Variants in ENPP6 observed in about 807,000 individuals in gnomAD.
The protein encoded by ENPP6 is ectonucleotide pyrophosphatase/phosphodiesterase 6, also known as glycerophosphocholine cholinephosphodiesterase ENPP6.
In ENPP6, 32 loss-of-function variants were observed where a neutral mutation model predicts 42.0. The ratio of observed to expected loss-of-function variants is 0.76; its 90% CI spans 0.58 to 1.02. ENPP6 has a LOEUF of 1.02. Ranked by LOEUF, ENPP6 falls within the 50% of genes least tolerant of loss-of-function variation. The probability of loss-of-function intolerance (pLI) is 0.00; values close to 1 mark genes in which losing one functional copy is unlikely to be tolerated. For missense variants in ENPP6, 552 were observed against 566.8 expected (o/e 0.97, Z 0.27); for synonymous variants, 213 against 216.0 (o/e 0.99, Z 0.12).
chr4:184,106,818 A>G (rs1054508199), intron 6 of ENPP6, among the ~76,000 whole-genome samples: 2 of 152,136 alleles, frequency 1.3e-5, no homozygotes, highest in Non-Finnish European at 2.9e-5. Context: ...GTGGAATTAG[A>G]ACTTCTCGTT....
Position 184,117,012 on chromosome 4 carries a change from C to A in ENPP6, c.699G>T (p.Leu233=). The part of the protein sequence containing the change: ...WIQERGLQDR[L]NVIIFSDHGM... ...CGTGATCCGAGAAAATAATGACGTTCAGGCGGTCCTGCAGGCCCCGCTCCT... is the reference window on the plus strand; with the variant it reads ...CGTGATCCGAGAAAATAATGACGTTAAGGCGGTCCTGCAGGCCCCGCTCCT... The change falls in exon 5 of 8, where the codon CTG becomes CTT. Residue 233 remains leucine, a synonymous_variant. Transcript: ENST00000296741. 6.2e-7 allele frequency: 1 copy of A among 1,614,218 alleles called. No individual in the cohort carries two copies. The highest frequency in any genetic ancestry group is 2.2e-5 in the East Asian group (1 of 44,880).
At chr4:184,206,251 A>ATTCT (rs752341794) in intron 1 of ENPP6, among the ~76,000 whole-genome samples, 18,573 of 92,936 alleles carry the variant, frequency 0.2, 3,217 homozygotes, top group East Asian at 0.68. Flanking sequence ...GGAAGCTTGA[A>ATTCT]TTTTTTTTTT....
At position 184,131,223 on chromosome 4, in the gene ENPP6, T is replaced by C; in HGVS notation, c.422-6951A>G. Among the ~76,000 whole-genome samples the C allele has an allele frequency of 2.0e-5, 2 of 98,554 alleles. 1 individual carries two copies. The highest frequency in any genetic ancestry group is 8.9e-5 in the African/African-American group (2 of 22,464). The allele number at this position is 98,554 out of a possible 152,430, so 64.7% of individuals were successfully genotyped here. On this transcript the variant is annotated intron_variant, in intron 2 of 7. Coordinates refer to ENST00000296741, the MANE Select transcript of ENPP6 (RefSeq NM_153343.4). ...TTTCTTCTTTCTTTCTTTCTTTTTC[T>C]TTCTTTCTTTCCTTTTCTTTCTTTC...
chr4:184,204,553 T>C (rs1256029926), intron 1 of ENPP6, among the ~76,000 whole-genome samples: 2 of 152,172 alleles, frequency 1.3e-5, no homozygotes, highest in Non-Finnish European at 2.9e-5. Flanking sequence ...ACTTCAGCGA[T>C]CTTCACTACA....
chr4:184,117,019 T>A lies in ENPP6; in HGVS notation c.692A>T (p.Asp231Val), dbSNP rs1379592549. The stretch of plus-strand genomic sequence containing the variant: ...CGAGAAAATAATGACGTTCAGGCGG[T>A]CCTGCAGGCCCCGCTCCTGTGGGGT... Reference protein sequence around the residue: ...TKWIQERGLQDRLNVIIFSDH... With the variant: ...TKWIQERGLQVRLNVIIFSDH... Residue 231 changes from aspartate to valine, a missense_variant, in exon 5 of 8, where the codon GAC becomes GTC. Asp to Val is a radical substitution (Grantham distance 152). Transcript: ENST00000296741. 6.2e-7 allele frequency: 1 copy of A among 1,614,182 alleles called. No homozygotes were observed. Among genetic ancestry groups the A allele is most frequent in the East Asian group, 2.2e-5 (1 of 44,884 alleles).
chr4:184,162,219 A>C (rs572247289), intron 1 of ENPP6, among the ~76,000 whole-genome samples: 54 of 152,208 alleles, frequency 3.5e-4, no homozygotes, highest in African/African-American at 1.2e-3. Flanking sequence ...AAGTTTTCTC[A>C]AAAGCAGTTC....
intron 5 of ENPP6, 45 bp from the exon 6 acceptor site, chr4:184,112,854 A>G: frequency 6.4e-7 from 1 of 1,552,414 alleles, no homozygotes; most frequent in Non-Finnish European, 8.7e-7. Flanking sequence ...TCTCTTAAAT[A>G]TGTGTGAATA....
At chr4:184,141,010 C>G (rs1325940330) in intron 2 of ENPP6, among the ~76,000 whole-genome samples, 1 of 106,074 alleles carries the variant, frequency 9.4e-6, no homozygotes. Context: ...GGGCTAATAT[C>G]CAGAATCTAC....
Position 184,157,522 on chromosome 4 carries a change from TCTTTCTTTCTCTCTCTC to T in ENPP6, c.242-3806_242-3790del, listed in dbSNP as rs1483414946. 4.3e-4 allele frequency among the ~76,000 whole-genome samples: 65 copies of T among 151,562 alleles called. 1 individual carries two copies. In the South Asian group the frequency reaches 0.012, roughly 27 times the overall value. ...TCTTTCCTCTTTTTCTCTTTCTTTTTCTTTCTTTCTCTCTCTCCTTTCTTTCCTTTCTCTCTTTCTTT... is the reference window on the plus strand; with the variant it reads ...TCTTTCCTCTTTTTCTCTTTCTTTTTCTTTCTTTCCTTTCTCTCTTTCTTT... On this transcript the variant is annotated intron_variant, in intron 1 of 7. Transcript: ENST00000296741.
intron 2 of ENPP6, among the ~76,000 whole-genome samples, chr4:184,137,543 T>C (rs940056823): frequency 6.6e-6 from 1 of 152,238 alleles, no homozygotes; most frequent in Non-Finnish European, 1.5e-5. Context: ...TATGTAGTTA[T>C]CTTCCAGTGA....
intron 1 of ENPP6, among the ~76,000 whole-genome samples, chr4:184,197,098 T>C (rs1458221729): frequency 6.6e-6 from 1 of 152,250 alleles, no homozygotes; most frequent in Non-Finnish European, 1.5e-5. Flanking sequence ...TTCTTATCTG[T>C]TCCATCAGAG....
chr4:184,182,606 C>A (rs1732570606), intron 1 of ENPP6, among the ~76,000 whole-genome samples: 1 of 152,094 alleles, frequency 6.6e-6, no homozygotes, highest in South Asian at 2.1e-4. Flanking sequence ...GAGAATCAAC[C>A]CAAATGACCA....
At chr4:184,179,035 T>C (rs1178457492) in intron 1 of ENPP6, among the ~76,000 whole-genome samples, 1 of 152,174 alleles carries the variant, frequency 6.6e-6, no homozygotes, top group Non-Finnish European at 1.5e-5. Context: ...ATATTAACCT[T>C]AACTGTAAAT....
chr4:184,200,578 G>A (rs906421390), intron 1 of ENPP6, among the ~76,000 whole-genome samples: 5 of 152,174 alleles, frequency 3.3e-5, no homozygotes, highest in African/African-American at 9.7e-5. Context: ...GTCTTCTCAC[G>A]CTAAACAGCA....
intron 6 of ENPP6, among the ~76,000 whole-genome samples, chr4:184,107,681 T>C (rs1037467944): frequency 3.5e-4 from 54 of 152,268 alleles, no homozygotes; most frequent in African/African-American, 1.3e-3. Flanking sequence ...TTTGGGAGGC[T>C]GAGGTGGGCG....
In ENPP6 at chr4:184,217,844, G is replaced by A. The variant is rs531726023; in HGVS notation, c.-25C>T. The stretch of plus-strand genomic sequence containing the variant: ...TGCTGCCAGGAGCCTGCCAGAGCCC[G>A]GCTGGCACAGCTGTCGCCTTGCAAA... On this transcript the variant is annotated 5_prime_UTR_variant, in exon 1 of 8. Coordinates refer to ENST00000296741, the MANE Select transcript of ENPP6 (RefSeq NM_153343.4). The A allele has an allele frequency of 1.1e-5, 18 of 1,608,610 alleles. No individual in the cohort carries two copies. Among genetic ancestry groups the A allele is most frequent in the South Asian group, 3.3e-5 (3 of 90,392 alleles).
chr4:184,123,775 C>T (rs1579621200), intron 3 of ENPP6, among the ~76,000 whole-genome samples: 2 of 152,148 alleles, frequency 1.3e-5, no homozygotes, highest in South Asian at 4.1e-4. Context: ...GTAGGGTAGG[C>T]AATTTTCCCA....
chr4:184,126,668 G>T (rs1736507892), intron 2 of ENPP6, among the ~76,000 whole-genome samples: 1 of 152,180 alleles, frequency 6.6e-6, no homozygotes, highest in African/African-American at 2.4e-5. Flanking sequence ...ATTCCTCAGT[G>T]ACCCAAGAAG....
intron 2 of ENPP6, among the ~76,000 whole-genome samples, chr4:184,125,591 C>T (rs1192484058): frequency 6.6e-6 from 1 of 152,094 alleles, no homozygotes. Context: ...TAAAAGATGA[C>T]AGGGCAGCCT....
Sources: gnomAD v4.1 joint callset for allele counts (sites outside exome capture counted in the v4.1 genomes callset) on GRCh38, gnomAD v4.1.1 for gene constraint, MANE v1.5 for transcripts, NCBI Gene and HGNC (gene_info 2026-07-23, HGNC 2026-07-21) for gene names.